The following SNTG1 variants were observed in gnomAD, a reference collection of about 807,000 sequenced individuals.
SNTG1 encodes the protein gamma-1-syntrophin.
Under a neutral mutation model 74.7 loss-of-function variants are expected in SNTG1, and 39 were observed. The ratio of observed to expected loss-of-function variants is 0.52; its 90% CI spans 0.40 to 0.68. SNTG1 has a LOEUF of 0.68. Among genes scored for constraint, SNTG1 ranks in the 30% least tolerant of loss-of-function variants. The pLI is 0.00. For synonymous variants in SNTG1, 254 were observed against 217.1 expected (o/e 1.17, Z -1.49); for missense variants, 685 against 609.5 (o/e 1.12, Z -1.30).
At chr8:50,353,735 A>G (rs1379962530) in intron 2 of SNTG1, among the ~76,000 whole-genome samples, 3 of 152,204 alleles carry the variant, frequency 2.0e-5, no homozygotes, top group East Asian at 1.9e-4. Flanking sequence ...TTTCATTCAT[A>G]CAAGGTCAAG....
intron 8 of SNTG1, among the ~76,000 whole-genome samples, chr8:50,497,051 T>C (rs1410908866): frequency 6.6e-6 from 1 of 151,998 alleles, no homozygotes; most frequent in Non-Finnish European, 1.5e-5. Flanking sequence ...AAGAAATGTG[T>C]ATTTGTCAAA....
chr8:50,657,251 A>C (rs536514036), intron 14 of SNTG1, among the ~76,000 whole-genome samples: 150 of 152,278 alleles, frequency 9.9e-4, no homozygotes, highest in African/African-American at 3.5e-3. Context: ...TAAATAGTGA[A>C]CCTATAAAAT....
intron 9 of SNTG1, among the ~76,000 whole-genome samples, chr8:50,521,387 T>A (rs898475779): frequency 2.6e-5 from 4 of 152,312 alleles, no homozygotes; most frequent in Non-Finnish European, 5.9e-5. Context: ...CTGCGTTTCC[T>A]GCACATGTAC....
chr8:50,784,490 A>G (rs879922116), intron 18 of SNTG1, among the ~76,000 whole-genome samples: 28 of 152,244 alleles, frequency 1.8e-4, no homozygotes, highest in Non-Finnish European at 3.1e-4. Context: ...TCAAGGAGAT[A>G]TAACAATTAT....
In SNTG1 at chr8:50,612,768, G is replaced by A. The variant is rs78042790; in HGVS notation, c.849+21851G>A. ...TCCAAGTAGGTGAATTTTTCAGGAC[G>A]TAAGAGCAATAGAGTCGTGGGCAGT... On this transcript the variant is annotated intron_variant, in intron 13 of 18. Coordinates refer to ENST00000642720, the MANE Select transcript of SNTG1 (RefSeq NM_018967.5). 6.0e-4 allele frequency among the ~76,000 whole-genome samples: 91 copies of A among 152,280 alleles called. No homozygotes were observed. The East Asian group carries it at 0.014, about 23-fold the overall frequency.
At chr8:50,186,917 T>C (rs983739255) in intron 2 of SNTG1, among the ~76,000 whole-genome samples, 2 of 152,144 alleles carry the variant, frequency 1.3e-5, no homozygotes, top group Non-Finnish European at 2.9e-5. Context: ...TTGGCTTTTG[T>C]TGCAATTACT....
intron 17 of SNTG1, among the ~76,000 whole-genome samples, chr8:50,734,755 A>G (rs577762282): frequency 5.1e-5 from 6 of 117,342 alleles, no homozygotes; most frequent in Non-Finnish European, 7.9e-5. Flanking sequence ...GTATATAGAT[A>G]TCTATATATA....
At chr8:50,574,836 G>T (rs1300828502) in intron 12 of SNTG1, among the ~76,000 whole-genome samples, 2 of 151,998 alleles carry the variant, frequency 1.3e-5, no homozygotes, top group Admixed American at 1.3e-4. Flanking sequence ...CTATTTATTT[G>T]CATAAGAACA....
intron 13 of SNTG1, among the ~76,000 whole-genome samples, chr8:50,631,342 T>C (rs1029240666): frequency 6.6e-6 from 1 of 152,212 alleles, no homozygotes; most frequent in African/African-American, 2.4e-5. Context: ...GCAACAATTT[T>C]TGGAACACCA....
chr8:50,692,790 C>A (rs1316621015), intron 15 of SNTG1, among the ~76,000 whole-genome samples: 1 of 152,214 alleles, frequency 6.6e-6, no homozygotes, highest in Non-Finnish European at 1.5e-5. Context: ...CAGAGAGGGA[C>A]ATTTAAGTCT....
At chr8:50,319,267 G>C (rs1214463536) in intron 2 of SNTG1, among the ~76,000 whole-genome samples, 1 of 152,108 alleles carries the variant, frequency 6.6e-6, no homozygotes, top group Non-Finnish European at 1.5e-5. Context: ...AGGAGGCTGA[G>C]GCAGGAGAAT....
At chr8:50,504,561 G>A (rs931817106) in intron 9 of SNTG1, among the ~76,000 whole-genome samples, 6 of 152,134 alleles carry the variant, frequency 3.9e-5, no homozygotes, top group Non-Finnish European at 7.3e-5. Context: ...AGAGGCTGAG[G>A]CCGGCAGATC....
chr8:50,579,698 T>A (rs1206770764), intron 12 of SNTG1, among the ~76,000 whole-genome samples: 1 of 152,192 alleles, frequency 6.6e-6, no homozygotes, highest in Admixed American at 6.5e-5. Flanking sequence ...TTGCTTCAGA[T>A]GATGCAAGTC....
At chr8:50,346,734 C>A (rs1161875008) in intron 2 of SNTG1, among the ~76,000 whole-genome samples, 6 of 152,202 alleles carry the variant, frequency 3.9e-5, no homozygotes, top group African/African-American at 7.2e-5. Flanking sequence ...AATGGAAGAA[C>A]CTTATTGTGG....
intron 18 of SNTG1, among the ~76,000 whole-genome samples, chr8:50,756,457 C>A (rs2095580770): frequency 6.6e-6 from 1 of 151,654 alleles, no homozygotes; most frequent in Admixed American, 6.6e-5. Context: ...TGTCTAAGTT[C>A]TTTCTTTTTT....
intron 1 of SNTG1, among the ~76,000 whole-genome samples, chr8:50,104,340 T>C (rs2080278238): frequency 6.6e-6 from 1 of 152,226 alleles, no homozygotes; most frequent in Non-Finnish European, 1.5e-5. Flanking sequence ...TTTTCTAGTT[T>C]ATTTGCATAG....
At position 50,794,165 on chromosome 8, in the gene SNTG1, C is replaced by T. The variant is rs984241370; in HGVS notation, c.*1336C>T. 2.0e-5 allele frequency: 3 copies of T among 150,412 alleles called. No homozygotes were observed. Among genetic ancestry groups the T allele is most frequent in the Non-Finnish European group, 4.4e-5 (3 of 67,568 alleles). The allele number at this position is 150,412 out of a possible 1,614,324, so 9.3% of individuals were successfully genotyped here. On this transcript the variant is annotated 3_prime_UTR_variant, in exon 19 of 19. Coordinates refer to ENST00000642720, the MANE Select transcript of SNTG1 (RefSeq NM_018967.5). ...ATTGATACACATGCTCCCAGGTAAA[C>T]CAAGTATTATGTGTGTCCTTGTGGA...
At chr8:50,444,544 G>A (rs527937616) in intron 5 of SNTG1, among the ~76,000 whole-genome samples, 76 of 152,230 alleles carry the variant, frequency 5.0e-4, no homozygotes, top group African/African-American at 1.7e-3. Flanking sequence ...AAGGTCAAGA[G>A]ATTAAGACCA....
At chr8:50,150,524 G>A (rs2082030071) in intron 1 of SNTG1, among the ~76,000 whole-genome samples, 1 of 152,146 alleles carries the variant, frequency 6.6e-6, no homozygotes, top group African/African-American at 2.4e-5. Flanking sequence ...GATATTGGCT[G>A]TGGGTTTGTC....
Sources: allele counts gnomAD v4.1 joint callset (sites outside exome capture counted in the v4.1 genomes callset), GRCh38; gene constraint gnomAD v4.1.1; transcripts MANE v1.5; gene names NCBI Gene and HGNC (gene_info 2026-07-23, HGNC 2026-07-21).